GPHN: variants seen among roughly 807,000 people sequenced by gnomAD.
The protein encoded by GPHN is gephyrin.
GPHN carries 17 observed loss-of-function variants against 95.5 expected under a neutral mutation model. The observed-to-expected ratio is 0.18, with a 90% CI of 0.12 to 0.27. The LOEUF is 0.27. Among genes scored for constraint, GPHN ranks in the 10% least tolerant of loss-of-function variants. The pLI is 1.00. For synonymous variants in GPHN, 320 were observed against 322.5 expected (o/e 0.99, Z 0.08); for missense variants, 660 against 978.1 (o/e 0.67, Z 4.34).
At position 66,879,971 on chromosome 14, in the gene GPHN, A is replaced by G. The variant is rs1555430196; in HGVS notation, c.327A>G (p.Pro109=). Residue 109 remains proline, a synonymous_variant, in exon 5 of 23, where the codon CCA becomes CCG. Transcript: ENST00000478722. ...ATKEVIEREA[P]GMALAMLMGS... ...AAGAAGTAATAGAACGGGAAGCACC[A>G]GGGATGGCCCTGGCAATGCTGATGG... 1.2e-6 allele frequency: 2 copies of G among 1,611,340 alleles called. No homozygotes were observed. The highest frequency in any genetic ancestry group is 1.7e-6 in the Non-Finnish European group (2 of 1,177,800).
At chr14:66,623,942 G>T (rs2063417302) in intron 1 of GPHN, among the ~76,000 whole-genome samples, 1 of 152,126 alleles carries the variant, frequency 6.6e-6, no homozygotes, top group Admixed American at 6.5e-5. Context: ...CCAAATATCA[G>T]AAGCTACATG....
intron 18 of GPHN, among the ~76,000 whole-genome samples, chr14:67,150,723 G>C (rs2081232563): frequency 6.6e-6 from 1 of 151,448 alleles, no homozygotes; most frequent in African/African-American, 2.4e-5. Flanking sequence ...TTTTTTCTTT[G>C]TTTATATGTA....
In GPHN at chr14:66,662,228, A is replaced by C. The variant is rs556814115; in HGVS notation, c.65-18879A>C. Among the ~76,000 whole-genome samples the C allele has an allele frequency of 3.9e-5, 6 of 152,170 alleles. No homozygotes were observed. In the South Asian group the frequency reaches 1.0e-3, roughly 26 times the overall value. The stretch of plus-strand genomic sequence containing the variant: ...CTTCCTGACTGGGTGACACCTCCCA[A>C]CCAGTGTCTCCAGCCACCACCTACC... On this transcript the variant is annotated intron_variant, in intron 1 of 22. Transcript: ENST00000478722.
intron 18 of GPHN, among the ~76,000 whole-genome samples, chr14:67,156,017 A>G (rs1362662666): frequency 2.6e-5 from 4 of 152,218 alleles, no homozygotes; most frequent in Non-Finnish European, 4.4e-5. Flanking sequence ...TCAAAAATGT[A>G]CTTCAAAAAT....
intron 1 of GPHN, chr14:66,509,261 C>T (rs958231711): frequency 2.6e-5 from 4 of 152,412 alleles, no homozygotes; most frequent in African/African-American, 7.3e-5. Context: ...CTCTGTCTGC[C>T]TCGTCGTTTC....
the GPHN span, chr14:67,334,338 A>C: frequency 6.6e-6 from 1 of 152,644 alleles, no homozygotes; most frequent in South Asian, 2.1e-4. Flanking sequence ...CAGTCTTTTC[A>C]AGCCTTTAGG....
At chr14:66,970,442 T>C (rs1245823874) in intron 9 of GPHN, among the ~76,000 whole-genome samples, 4 of 152,226 alleles carry the variant, frequency 2.6e-5, no homozygotes, top group Non-Finnish European at 4.4e-5. Context: ...ATATTTTCTC[T>C]GGGATGTTTT....
the GPHN span, among the ~76,000 whole-genome samples, chr14:67,527,838 C>G: frequency 7.2e-5 from 11 of 152,222 alleles, no homozygotes; most frequent in Non-Finnish European, 1.5e-4. Context: ...TGAGCAAGAA[C>G]TCACTCACAG....
chr14:67,482,171 G>A, the GPHN span, among the ~76,000 whole-genome samples: 25 of 152,312 alleles, frequency 1.6e-4, no homozygotes, highest in African/African-American at 5.8e-4. Flanking sequence ...TGGGGAAGGG[G>A]AAGGGGATCT....
the GPHN span, among the ~76,000 whole-genome samples, chr14:67,499,655 C>G: frequency 6.6e-6 from 1 of 152,120 alleles, no homozygotes; most frequent in African/African-American, 2.4e-5. Context: ...AATGCTATAT[C>G]GTGAGGAAGC....
chr14:67,018,205 G>A lies in GPHN; in HGVS notation c.964-5428G>A, dbSNP rs544074577. On this transcript the variant is annotated intron_variant, in intron 9 of 22. Transcript: ENST00000478722. ...TAGGCAAATCTAAACCTAGGTTGTA[G>A]TGTTGGTTGCACAGCCATATAACTT... Among the ~76,000 whole-genome samples the A allele has an allele frequency of 3.9e-5, 6 of 152,234 alleles. No individual in the cohort carries two copies. The East Asian group carries it at 1.2e-3, about 29-fold the overall frequency.
rs183696568 is a variant in GPHN, at chr14:66,795,305, T to C, written c.201+18784T>C. Among the ~76,000 whole-genome samples, 5 of 152,294 alleles carry C rather than the reference T, an allele frequency of 3.3e-5. No homozygotes were observed. The East Asian group carries it at 9.6e-4, about 29-fold the overall frequency. On this transcript the variant is annotated intron_variant, in intron 3 of 22. Coordinates refer to ENST00000478722, the MANE Select transcript of GPHN (RefSeq NM_020806.5). ...TTTCATGATAATCTATTTTCATCAT[T>C]CTCATTTCACCCTTGTCATTAAATT... is the stretch of plus-strand genomic sequence containing the variant.
At chr14:67,325,979 C>CTTTTTTTTTTTTTTT in the GPHN span, among the ~76,000 whole-genome samples, 17 of 110,210 alleles carry the variant, frequency 1.5e-4, no homozygotes, top group African/African-American at 6.2e-4. Flanking sequence ...CGGCTCTTTT[C>CTTTTTTTTTTTTTTT]TTTTTTTTTT....
intron 1 of GPHN, among the ~76,000 whole-genome samples, chr14:66,555,795 A>G (rs2059986700): frequency 6.6e-6 from 1 of 152,108 alleles, no homozygotes; most frequent in African/African-American, 2.4e-5. Context: ...TGAGACTTTA[A>G]AAAAACCCCT....
intron 10 of GPHN, among the ~76,000 whole-genome samples, chr14:67,047,369 T>G (rs1336153098): frequency 2.0e-5 from 2 of 101,270 alleles, no homozygotes; most frequent in African/African-American, 2.9e-5. Flanking sequence ...TGTGTTTGTT[T>G]TTTTTTTTTT....
In GPHN at chr14:67,035,187, TA is replaced by T. The variant is rs138602084; in HGVS notation, c.1006+11513del. On this transcript the variant is annotated intron_variant, in intron 10 of 22. Transcript: ENST00000478722. Reference sequence around the variant, plus strand: ...CAAAGGAAAAAAAAATGAGAGAAATTAGAAATATCTTGAGGCAAAAACACAA... The same window carrying T: ...CAAAGGAAAAAAAAATGAGAGAAATTGAAATATCTTGAGGCAAAAACACAA... 9.6e-3 allele frequency among the ~76,000 whole-genome samples: 1,459 copies of T among 151,732 alleles called. 18 individuals are homozygous for T. The highest frequency in any genetic ancestry group is 0.033 in the African/African-American group (1,349 of 41,410).
Position 66,990,722 on chromosome 14 carries a change from A to T in GPHN, c.963+25397A>T, listed in dbSNP as rs529232584. ...AGATGAAACACAGATTATGTGGCCCATAAAGTCTAATATTTTATTTAATAG... is the reference window on the plus strand; with the variant it reads ...AGATGAAACACAGATTATGTGGCCCTTAAAGTCTAATATTTTATTTAATAG... On this transcript the variant is annotated intron_variant, in intron 9 of 22. Transcript: ENST00000478722. Among the ~76,000 whole-genome samples, 4 of 152,252 alleles carry T rather than the reference A, an allele frequency of 2.6e-5. 1 individual carries two copies. The South Asian group carries it at 8.3e-4, about 32-fold the overall frequency.
the GPHN span, among the ~76,000 whole-genome samples, chr14:67,672,292 T>C: frequency 6.6e-6 from 1 of 151,562 alleles, no homozygotes; most frequent in Non-Finnish European, 1.5e-5. Context: ...CTAATTTTTT[T>C]ATTTTTTGTA....
At chr14:67,115,872 C>G (rs929805235) in intron 16 of GPHN, among the ~76,000 whole-genome samples, 15 of 152,154 alleles carry the variant, frequency 9.9e-5, no homozygotes, top group Admixed American at 7.2e-4. Flanking sequence ...TAAAACTTGC[C>G]CCAGTATTTT....
Sources: gnomAD v4.1 joint callset for allele counts (sites outside exome capture counted in the v4.1 genomes callset) on GRCh38, gnomAD v4.1.1 for gene constraint, MANE v1.5 for transcripts, NCBI Gene and HGNC (gene_info 2026-07-23, HGNC 2026-07-21) for gene names.